The following FGD4 variants were observed in gnomAD, a reference collection of about 807,000 sequenced individuals.
The protein encoded by FGD4 is FYVE, RhoGEF and PH domain containing 4, also known as FYVE, RhoGEF and PH domain-containing protein 4.
In FGD4, 42 loss-of-function variants were observed where a neutral mutation model predicts 102.0. That is an observed-to-expected ratio of 0.41 (90% CI 0.32 to 0.53). FGD4 has a LOEUF of 0.53. Ranked by LOEUF, FGD4 falls within the 20% of genes least tolerant of loss-of-function variation. The pLI is 0.21. For missense variants in FGD4, 902 were observed against 1,078.2 expected (o/e 0.84, Z 2.29); for synonymous variants, 380 against 375.7 (o/e 1.01, Z -0.13).
chr12:32,439,017 T>TTATAATAA (rs1555181442), intron 1 of FGD4, among the ~76,000 whole-genome samples: 1 of 152,198 alleles, frequency 6.6e-6, no homozygotes, highest in African/African-American at 2.4e-5. Flanking sequence ...TCACTTATAA[T>TTATAATAA]TTACTAATAA....
At chr12:32,624,137 C>T (rs1239018727) in intron 11 of FGD4, among the ~76,000 whole-genome samples, 1 of 152,066 alleles carries the variant, frequency 6.6e-6, no homozygotes, top group Non-Finnish European at 1.5e-5. Flanking sequence ...GATACAGTTA[C>T]CTGATATATC....
intron 1 of FGD4, among the ~76,000 whole-genome samples, chr12:32,435,291 C>T (rs944884200): frequency 6.8e-6 from 1 of 147,840 alleles, no homozygotes; most frequent in African/African-American, 2.4e-5. Context: ...AGAGATCTAG[C>T]TCAGGAGTTA....
intron 1 of FGD4, among the ~76,000 whole-genome samples, chr12:32,516,510 C>G (rs917217207): frequency 6.6e-6 from 1 of 152,052 alleles, no homozygotes; most frequent in Non-Finnish European, 1.5e-5. Context: ...TATCCATGGA[C>G]TTTTAGACAG....
At chr12:32,570,803 A>G (rs1945599764) in intron 2 of FGD4, among the ~76,000 whole-genome samples, 1 of 152,136 alleles carries the variant, frequency 6.6e-6, no homozygotes, top group Admixed American at 6.5e-5. Context: ...ATAATTCCAG[A>G]TAATACAAAA....
chr12:32,566,084 TCC>T (rs1945166875), intron 2 of FGD4, among the ~76,000 whole-genome samples: 1 of 152,178 alleles, frequency 6.6e-6, no homozygotes, highest in African/African-American at 2.4e-5. Flanking sequence ...GATCTGAAAG[TCC>T]AAGATCAGAT....
chr12:32,535,394 T>C (rs1197214391), intron 1 of FGD4, among the ~76,000 whole-genome samples: 1 of 152,088 alleles, frequency 6.6e-6, no homozygotes, highest in Admixed American at 6.6e-5. Flanking sequence ...AAGCCCAAGG[T>C]TGGGGTTGGT....
At chr12:32,621,402 A>G (rs777955996) in intron 11 of FGD4, among the ~76,000 whole-genome samples, 32 of 152,196 alleles carry the variant, frequency 2.1e-4, no homozygotes, top group Non-Finnish European at 1.2e-4. Context: ...AACCAATCCT[A>G]GCTGTAGTGG....
chr12:32,562,714 G>T (rs1388353015), intron 1 of FGD4, among the ~76,000 whole-genome samples: 2 of 152,182 alleles, frequency 1.3e-5, no homozygotes, highest in Non-Finnish European at 2.9e-5. Flanking sequence ...GTTTCAGAGA[G>T]CACAGGGTTG....
chr12:32,571,188 C>T (rs1203766832), intron 2 of FGD4, among the ~76,000 whole-genome samples: 2 of 152,140 alleles, frequency 1.3e-5, no homozygotes, highest in African/African-American at 4.8e-5. Context: ...GGCACGGTGG[C>T]TCACGCCTGT....
chr12:32,493,916 T>C (rs578070125), intron 1 of FGD4, among the ~76,000 whole-genome samples: 31 of 152,284 alleles, frequency 2.0e-4, no homozygotes, highest in Non-Finnish European at 4.1e-4. Flanking sequence ...CCTGAGGAAG[T>C]GGCGTTCAGC....
At chr12:32,424,842 T>C (rs866154651) in intron 1 of FGD4, among the ~76,000 whole-genome samples, 3 of 152,340 alleles carry the variant, frequency 2.0e-5, no homozygotes, top group Middle Eastern at 3.4e-3. Context: ...CTTTTTTTCA[T>C]ATGTTTGTTG....
At chr12:32,620,863 A>C (rs185593998) in intron 11 of FGD4, among the ~76,000 whole-genome samples, 1 of 150,028 alleles carries the variant, frequency 6.7e-6, no homozygotes, top group African/African-American at 2.5e-5. Flanking sequence ...GGGTTTCACC[A>C]TGTTGACCAG....
chr12:32,524,256 C>T (rs1343278161), intron 1 of FGD4, among the ~76,000 whole-genome samples: 2 of 150,994 alleles, frequency 1.3e-5, no homozygotes, highest in East Asian at 2.0e-4. Context: ...ATTAGTCGGG[C>T]GTGGTGGCGT....
At chr12:32,437,477 G>T (rs1220471430) in intron 1 of FGD4, among the ~76,000 whole-genome samples, 1 of 152,192 alleles carries the variant, frequency 6.6e-6, no homozygotes, top group Non-Finnish European at 1.5e-5. Context: ...GTGTTACTGG[G>T]CAGCCTGGCC....
At chr12:32,543,712 C>T (rs772496636) in intron 1 of FGD4, among the ~76,000 whole-genome samples, 1 of 152,100 alleles carries the variant, frequency 6.6e-6, no homozygotes. Context: ...CTGCAAGCTC[C>T]GCCTCCTGGG....
At chr12:32,559,855 A>T (rs1944397857) in intron 1 of FGD4, among the ~76,000 whole-genome samples, 1 of 152,164 alleles carries the variant, frequency 6.6e-6, no homozygotes, top group African/African-American at 2.4e-5. Context: ...GACTCAACGT[A>T]ATTTGTTTTC....
intron 1 of FGD4, among the ~76,000 whole-genome samples, chr12:32,424,135 A>T (rs1028828784): frequency 6.6e-6 from 1 of 152,164 alleles, no homozygotes; most frequent in Non-Finnish European, 1.5e-5. Context: ...TTTGTTCCAT[A>T]GGTATACACG....
intron 1 of FGD4, among the ~76,000 whole-genome samples, chr12:32,457,578 A>G (rs1283533065): frequency 2.0e-5 from 3 of 152,232 alleles, no homozygotes; most frequent in African/African-American, 7.2e-5. Context: ...TTAAATTAGT[A>G]TGGAATAACA....
rs76666307 is a variant in FGD4, at chr12:32,611,041, C to A, written c.1603-96C>A. 5.0e-3 allele frequency: 7,226 copies of A among 1,457,158 alleles called. 29 individuals carry two copies. Among genetic ancestry groups the A allele is most frequent in the Non-Finnish European group, 6.2e-3 (6,472 of 1,045,182 alleles). The allele number at this position is 1,457,158 out of a possible 1,614,324, so 90.3% of individuals were successfully genotyped here. ...ATTAAAATGTATGCTTACTCCTAAT[C>A]CCTTCTAAATTTAGATTTTAGTTAA... On this transcript the variant is annotated intron_variant, in intron 9 of 16. Coordinates refer to ENST00000534526, the MANE Select transcript of FGD4 (RefSeq NM_001370298.3).
Sources: gnomAD v4.1 joint callset for allele counts (sites outside exome capture counted in the v4.1 genomes callset) on GRCh38, gnomAD v4.1.1 for gene constraint, MANE v1.5 for transcripts, NCBI Gene and HGNC (gene_info 2026-07-23, HGNC 2026-07-21) for gene names.